The following ASIC2 variants were observed in gnomAD, a reference collection of about 807,000 sequenced individuals.
ASIC2 encodes acid sensing ion channel subunit 2, also known as acid-sensing ion channel 2.
In ASIC2, 25 loss-of-function variants were observed where a neutral mutation model predicts 57.3. The ratio of observed to expected loss-of-function variants is 0.44; its 90% CI spans 0.32 to 0.61. ASIC2 has a LOEUF of 0.61. Among genes scored for constraint, ASIC2 ranks in the 20% least tolerant of loss-of-function variants. The probability of loss-of-function intolerance (pLI) is 0.06; values close to 1 mark genes in which losing one functional copy is unlikely to be tolerated. For missense variants in ASIC2, 641 were observed against 738.1 expected, an observed-to-expected ratio of 0.87 and a Z score of 1.52; for synonymous variants, 319 against 307.5, an observed-to-expected ratio of 1.04 and a Z score of -0.39.
intron 1 of ASIC2, among the ~76,000 whole-genome samples, chr17:33,631,140 A>T (rs949630995): frequency 1.3e-5 from 2 of 152,162 alleles, no homozygotes; most frequent in Non-Finnish European, 2.9e-5. Context: ...GGAGGGAGTC[A>T]GAGGCCCTGA....
At chr17:33,998,056 T>A (rs1030138668) in intron 1 of ASIC2, among the ~76,000 whole-genome samples, 18 of 152,170 alleles carry the variant, frequency 1.2e-4, no homozygotes, top group Admixed American at 6.5e-4. Context: ...GTTTACTGAT[T>A]CAATCTCCTT....
At chr17:33,827,252 A>G (rs1171951680) in intron 1 of ASIC2, among the ~76,000 whole-genome samples, 1 of 152,026 alleles carries the variant, frequency 6.6e-6, no homozygotes, top group Non-Finnish European at 1.5e-5. Context: ...CACAAGGAAC[A>G]TTGGACAGGG....
chr17:33,180,086 G>A (rs569119725), intron 1 of ASIC2, among the ~76,000 whole-genome samples: 4 of 152,110 alleles, frequency 2.6e-5, no homozygotes, highest in Non-Finnish European at 5.9e-5. Flanking sequence ...ATCATCCAAG[G>A]ATAAAAACAA....
chr17:34,111,331 A>G lies in ASIC2; in HGVS notation c.555+44647T>C, dbSNP rs572640623. Among the ~76,000 whole-genome samples the G allele has an allele frequency of 4.0e-5, 6 of 148,714 alleles. No homozygotes were observed. The South Asian group carries it at 6.3e-4, about 16-fold the overall frequency. On this transcript the variant is annotated intron_variant, in intron 1 of 9. Transcript: ENST00000359872. ...TATATATTATATTATATTATGTTAT[A>G]TTATATATACAGGCACCAAAAATGA...
intron 1 of ASIC2, among the ~76,000 whole-genome samples, chr17:33,176,724 G>C (rs1052289756): frequency 2.0e-5 from 3 of 152,208 alleles, no homozygotes; most frequent in African/African-American, 4.8e-5. Context: ...TGCAGAGGAA[G>C]AATTATCCCT....
intron 1 of ASIC2, among the ~76,000 whole-genome samples, chr17:33,711,594 C>CT (rs760783318): frequency 6.6e-6 from 1 of 152,180 alleles, no homozygotes; most frequent in African/African-American, 2.4e-5. Flanking sequence ...CACAGTTCTA[C>CT]ATGGCTCAGG....
At chr17:33,927,468 C>T (rs1043554407) in intron 1 of ASIC2, among the ~76,000 whole-genome samples, 2 of 152,202 alleles carry the variant, frequency 1.3e-5, no homozygotes, top group African/African-American at 4.8e-5. Context: ...GGAACTGCTT[C>T]ACCCTTTCTG....
intron 1 of ASIC2, among the ~76,000 whole-genome samples, chr17:33,959,479 C>A (rs1010700083): frequency 6.6e-6 from 1 of 152,218 alleles, no homozygotes; most frequent in African/African-American, 2.4e-5. Flanking sequence ...GGAAGCCAGT[C>A]TGAGTTCCAA....
chr17:33,672,394 T>C (rs1356434509), intron 1 of ASIC2, among the ~76,000 whole-genome samples: 1 of 151,822 alleles, frequency 6.6e-6, no homozygotes, highest in Admixed American at 6.6e-5. Context: ...TTCACTTGTG[T>C]TGTGGCTGTT....
chr17:34,119,808 C>G (rs979444474), intron 1 of ASIC2, among the ~76,000 whole-genome samples: 1 of 152,210 alleles, frequency 6.6e-6, no homozygotes, highest in Non-Finnish European at 1.5e-5. Flanking sequence ...TGATTGTAAA[C>G]TCTGAGGATG....
In ASIC2 at chr17:33,946,309, TTG is replaced by T. The variant is rs1188774880; in HGVS notation, c.555+209667_555+209668del. ...ATGGGTGAAAGACGACTGGGACAGG[TTG>T]TTGGGTCTGGGGGGCCCGAGGCTGG... On this transcript the variant is annotated intron_variant, in intron 1 of 9. Transcript: ENST00000359872. Among the ~76,000 whole-genome samples the T allele has an allele frequency of 6.1e-5, 9 of 148,114 alleles. No homozygotes were observed. The East Asian group carries it at 9.7e-4, about 16-fold the overall frequency.
intron 1 of ASIC2, among the ~76,000 whole-genome samples, chr17:33,325,367 T>C (rs12952390): frequency 0.031 from 4,670 of 152,252 alleles, 233 homozygotes; most frequent in African/African-American, 0.1. Context: ...ACCTGCAGGC[T>C]GAACAGAAGC....
intron 1 of ASIC2, among the ~76,000 whole-genome samples, chr17:33,510,500 T>C (rs1467982218): frequency 2.6e-4 from 39 of 151,744 alleles, no homozygotes; most frequent in Admixed American, 2.6e-3. Flanking sequence ...ACAGAATTAG[T>C]TGGGTGTGGT....
intron 1 of ASIC2, among the ~76,000 whole-genome samples, chr17:33,868,752 T>C (rs1597909184): frequency 6.6e-6 from 1 of 151,896 alleles, no homozygotes; most frequent in Non-Finnish European, 1.5e-5. Flanking sequence ...AGATCAACAA[T>C]AAAAATAAAT....
intron 1 of ASIC2, among the ~76,000 whole-genome samples, chr17:33,937,118 T>C (rs1246364610): frequency 1.3e-5 from 2 of 152,200 alleles, no homozygotes; most frequent in African/African-American, 2.4e-5. Flanking sequence ...TGCCTCTTTT[T>C]GGAGATGAAG....
chr17:33,844,052 A>T (rs1337884444), intron 1 of ASIC2, among the ~76,000 whole-genome samples: 2 of 152,152 alleles, frequency 1.3e-5, no homozygotes, highest in Non-Finnish European at 1.5e-5. Flanking sequence ...ATCAGCACAA[A>T]GATGCAATCT....
At chr17:33,973,288 G>C (rs1302569364) in intron 1 of ASIC2, among the ~76,000 whole-genome samples, 1 of 152,220 alleles carries the variant, frequency 6.6e-6, no homozygotes, top group Non-Finnish European at 1.5e-5. Flanking sequence ...GATCTAGGGA[G>C]AGCAGCCAGC....
chr17:33,125,633 A>G (rs997200655), intron 1 of ASIC2, among the ~76,000 whole-genome samples: 1 of 152,270 alleles, frequency 6.6e-6, no homozygotes. Context: ...ATAAGAAATG[A>G]AGATAAAATA....
At chr17:33,067,046 G>C (rs2092046326) in intron 3 of ASIC2, among the ~76,000 whole-genome samples, 1 of 152,194 alleles carries the variant, frequency 6.6e-6, no homozygotes, top group South Asian at 2.1e-4. Context: ...GGCATCACTG[G>C]CAGTGGGAAC....
Sources: allele counts gnomAD v4.1 joint callset (sites outside exome capture counted in the v4.1 genomes callset), GRCh38; gene constraint gnomAD v4.1.1; transcripts MANE v1.5; gene names NCBI Gene and HGNC (gene_info 2026-07-23, HGNC 2026-07-21).